THAP4: variants seen among roughly 807,000 people sequenced by gnomAD.
The protein encoded by THAP4 is THAP domain containing 4.
THAP4 carries 18 observed loss-of-function variants against 48.1 expected under a neutral mutation model. The observed-to-expected ratio is 0.37, with a 90% CI of 0.26 to 0.56. The LOEUF is 0.56. Ranked by LOEUF, THAP4 falls within the 20% of genes least tolerant of loss-of-function variation. The pLI is 0.78. For synonymous variants in THAP4, 345 were observed against 324.9 expected (o/e 1.06, Z -0.66); for missense variants, 656 against 774.9 (o/e 0.85, Z 1.82).
At chr2:241,637,312 C>G (rs1454631673), upstream of THAP4, 4 of 1,182,990 alleles carry the variant, frequency 3.4e-6, no homozygotes, top group Admixed American at 8.4e-5. Context: ...GGAGTCGCCC[C>G]GGCGGGGCAA....
intron 4 of THAP4, 97 bp from the exon 5 acceptor site, chr2:241,602,096 G>A (rs1230111579): frequency 2.7e-5 from 32 of 1,169,124 alleles, no homozygotes; most frequent in Non-Finnish European, 3.5e-5. Flanking sequence ...TCCACAGGAG[G>A]CCCCAACTCT....
rs1271288162 is a variant in THAP4, at chr2:241,601,920, G to A, written c.1590C>T (p.Phe530=). The part of the protein sequence containing the change: ...IASHSIARIS[F]AKEPHVEQIT... ...CCTGCTCTACGTGGGGCTCCTTGGC[G>A]AAGGAGATCCTGGCGATGGAGTGGG... The change falls in exon 5 of 6, where the codon TTC becomes TTT. Residue 530 remains phenylalanine (F), a synonymous_variant. Transcript: ENST00000407315. This position sits in a 1 kb window ranked among gnomAD's most constrained non-coding sequence, Gnocchi z 4.0. 21 of 1,613,776 alleles carry A rather than the reference G, an allele frequency of 1.3e-5. No individual in the cohort carries two copies. Among genetic ancestry groups the A allele is most frequent in the South Asian group, 2.2e-5 (2 of 91,056 alleles).
chr2:241,584,571 G>A lies in THAP4; in HGVS notation c.*35C>T, dbSNP rs2066868165. On this transcript the variant is annotated 3_prime_UTR_variant, in exon 6 of 6. Coordinates refer to ENST00000407315, the MANE Select transcript of THAP4 (RefSeq NM_015963.6). ...GGAGCCGAACCGTTGAGGCACAGTA[G>A]CCAGGCCCTCCCGAGGGCTCCAGAA... is the stretch of plus-strand genomic sequence containing the variant. 1.2e-6 allele frequency: 2 copies of A among 1,613,476 alleles called. No homozygotes were observed. Among genetic ancestry groups the A allele is most frequent in the Non-Finnish European group, 1.7e-6 (2 of 1,179,622 alleles).
At chr2:241,593,670 A>G (rs2067015485) in intron 5 of THAP4, among the ~76,000 whole-genome samples, 1 of 152,188 alleles carries the variant, frequency 6.6e-6, no homozygotes, top group Non-Finnish European at 1.5e-5. Flanking sequence ...AATGTGTTTC[A>G]GAGGCAATTC....
In THAP4 at chr2:241,612,143, G is replaced by T. The variant is rs2067284948; in HGVS notation, c.1241-5670C>A. Among the ~76,000 whole-genome samples the T allele has an allele frequency of 6.6e-6, 1 of 151,904 alleles. No individual in the cohort carries two copies. The highest frequency in any genetic ancestry group is 1.5e-5 in the Non-Finnish European group (1 of 68,018). On this transcript the variant is annotated intron_variant, in intron 2 of 5. Transcript: ENST00000407315. This position sits in a 1 kb window ranked among gnomAD's most constrained non-coding sequence, Gnocchi z 4.1. ...TGAAACATGACCTGGCAGAAGTCGA[G>T]AAAGTAAAAGAAAAAAAATCAAGCC...
At chr2:241,623,740 A>G (rs1273935616) in intron 2 of THAP4, among the ~76,000 whole-genome samples, 1 of 152,208 alleles carries the variant, frequency 6.6e-6, no homozygotes, top group Non-Finnish European at 1.5e-5. Flanking sequence ...TTAATCATAT[A>G]GATGAGATGG....
At chr2:241,620,689 T>C (rs2067419026) in intron 2 of THAP4, among the ~76,000 whole-genome samples, 1 of 151,446 alleles carries the variant, frequency 6.6e-6, no homozygotes, top group Non-Finnish European at 1.5e-5. Flanking sequence ...CGGCGGTGAG[T>C]GAATGCAAAG....
intron 2 of THAP4, among the ~76,000 whole-genome samples, chr2:241,628,106 C>T (rs1215588407): frequency 2.0e-5 from 3 of 152,100 alleles, no homozygotes; most frequent in Non-Finnish European, 2.9e-5. Flanking sequence ...CAACCCCCTT[C>T]TCTCCACTAT....
chr2:241,625,986 T>G (rs1246217067), intron 2 of THAP4, among the ~76,000 whole-genome samples: 1 of 152,114 alleles, frequency 6.6e-6, no homozygotes, highest in African/African-American at 2.4e-5. Flanking sequence ...GCTCTAAAAT[T>G]GATTAACGTA....
At position 241,623,270 on chromosome 2, in the gene THAP4, T is replaced by C. The variant is rs550534206; in HGVS notation, c.1240+9647A>G. On this transcript the variant is annotated intron_variant, in intron 2 of 5. Coordinates refer to ENST00000407315, the MANE Select transcript of THAP4 (RefSeq NM_015963.6). ...CAACAAAAAAACCCCACTTTGAATA[T>C]AAAAACATAGATTAAAAGTAAAGGG... Among the ~76,000 whole-genome samples, 12 of 151,192 alleles carry C rather than the reference T, an allele frequency of 7.9e-5. No individual in the cohort carries two copies. In the South Asian group the frequency reaches 1.9e-3, roughly 24 times the overall value.
chr2:241,622,509 G>GT (rs1218509536), intron 2 of THAP4, among the ~76,000 whole-genome samples: 1 of 151,936 alleles, frequency 6.6e-6, no homozygotes, highest in Non-Finnish European at 1.5e-5. Context: ...TAAAATGTAT[G>GT]TAAAAAAAGG....
chr2:241,606,981 AG>A (rs1411741564), intron 2 of THAP4, among the ~76,000 whole-genome samples: 1 of 143,530 alleles, frequency 7.0e-6, no homozygotes, highest in Non-Finnish European at 1.5e-5. Flanking sequence ...AAAGAGCATC[AG>A]GGAGAAAATG....
chr2:241,620,281 C>G lies in THAP4; in HGVS notation c.1240+12636G>C, dbSNP rs941712886. The stretch of plus-strand genomic sequence containing the variant: ...AGTGAGGGGTGAGGGGTGAGTGAGT[C>G]GTGAGTGAGGGGTGAGTGAGTCGTG... On this transcript the variant is annotated intron_variant, in intron 2 of 5. Transcript: ENST00000407315. Among the ~76,000 whole-genome samples the G allele has an allele frequency of 2.9e-3, 61 of 20,756 alleles. 1 individual carries two copies. Among genetic ancestry groups the G allele is most frequent in the Admixed American group, 6.8e-3 (9 of 1,314 alleles). The allele number at this position is 20,756 out of a possible 152,430, so 13.6% of individuals were successfully genotyped here.
rs2067352384 is a variant in THAP4, at chr2:241,616,627, G to GC, written c.1241-10155dup. On this transcript the variant is annotated intron_variant, in intron 2 of 5. Coordinates refer to ENST00000407315, the MANE Select transcript of THAP4 (RefSeq NM_015963.6). The surrounding 1 kb of genome is among the most constrained non-coding windows in gnomAD (Gnocchi z 4.6). ...ACCACACTTGGGGACAGGACAGGACGCAGCACTTATGTGGCAATTTCTTTT... is the reference window on the plus strand; with the variant it reads ...ACCACACTTGGGGACAGGACAGGACGCCAGCACTTATGTGGCAATTTCTTTT... 6.6e-6 allele frequency among the ~76,000 whole-genome samples: 1 copy of GC among 152,182 alleles called. No homozygotes were observed. Among genetic ancestry groups the GC allele is most frequent in the South Asian group, 2.1e-4 (1 of 4,832 alleles).
At chr2:241,625,534 C>T (rs145797863) in intron 2 of THAP4, among the ~76,000 whole-genome samples, 4 of 149,436 alleles carry the variant, frequency 2.7e-5, no homozygotes, top group Admixed American at 1.3e-4. Flanking sequence ...GTGTGGATCA[C>T]GCCTGTAATC....
At chr2:241,628,434 C>T (rs546989611) in intron 2 of THAP4, among the ~76,000 whole-genome samples, 1 of 152,036 alleles carries the variant, frequency 6.6e-6, no homozygotes, top group Non-Finnish European at 1.5e-5. Flanking sequence ...CGTTCCTCAC[C>T]CCCATCTCCT....
chr2:241,594,909 G>A (rs1000783028), intron 5 of THAP4, among the ~76,000 whole-genome samples: 1 of 152,172 alleles, frequency 6.6e-6, no homozygotes, highest in African/African-American at 2.4e-5. Flanking sequence ...TGCCACAGAA[G>A]ATAAATGTTC....
chr2:241,628,635 A>G (rs1434254790), intron 2 of THAP4, among the ~76,000 whole-genome samples: 1 of 150,270 alleles, frequency 6.7e-6, no homozygotes, highest in Non-Finnish European at 1.5e-5. Flanking sequence ...AACAGTCACC[A>G]GCGCCCCCCT....
chr2:241,586,727 T>C (rs1430293118), intron 5 of THAP4, among the ~76,000 whole-genome samples: 3 of 151,838 alleles, frequency 2.0e-5, no homozygotes, highest in Admixed American at 6.6e-5. Context: ...GCCCCAATAA[T>C]GAAATAGACA....
Sources: allele counts gnomAD v4.1 joint callset (sites outside exome capture counted in the v4.1 genomes callset), GRCh38; gene constraint gnomAD v4.1.1; non-coding constraint Gnocchi (gnomAD v3.1); transcripts MANE v1.5; gene names NCBI Gene and HGNC (gene_info 2026-07-23, HGNC 2026-07-21).